Variants in NYAP2 observed in about 807,000 individuals in gnomAD.
NYAP2 encodes the protein neuronal tyrosine-phosphorylated phosphoinositide-3-kinase adaptor 2.
Under a neutral mutation model 50.4 loss-of-function variants are expected in NYAP2, and 23 were observed. The observed-to-expected ratio is 0.46, with a 90% CI of 0.33 to 0.65. The LOEUF is 0.65. Ranked by LOEUF, NYAP2 falls within the 30% of genes least tolerant of loss-of-function variation. The pLI is 0.02. For missense variants in NYAP2, 885 were observed against 861.0 expected (o/e 1.03, Z -0.35); for synonymous variants, 394 against 365.2 (o/e 1.08, Z -0.90).
In NYAP2 at chr2:225,582,122, G is replaced by T; in HGVS notation, c.705G>T (p.Ala235=). 6.2e-7 allele frequency: 1 copy of T among 1,613,960 alleles called. No homozygotes were observed. The highest frequency in any genetic ancestry group is 2.2e-5 in the East Asian group (1 of 44,872). ...CCTTGTCCCAGATGGGCAGCCCCGC[G>T]GGAGACCCCGAGGAAGAGGAGCCCG... Residue 235 remains alanine, a synonymous_variant, in exon 5 of 7, where the codon GCG becomes GCT. Coordinates refer to ENST00000636099, the Ensembl canonical transcript of NYAP2. The surrounding 1 kb of genome is among the most constrained non-coding windows in gnomAD (Gnocchi z 7.0).
intron 6 of NYAP2, among the ~76,000 whole-genome samples, chr2:225,630,669 G>A (rs1693291395): frequency 6.6e-6 from 1 of 152,206 alleles, no homozygotes; most frequent in South Asian, 2.1e-4. Flanking sequence ...GATGGTGTCT[G>A]CCATGTAATT....
At chr2:225,410,360 G>C (rs1332238665) in intron 3 of NYAP2, among the ~76,000 whole-genome samples, 1 of 151,834 alleles carries the variant, frequency 6.6e-6, no homozygotes, top group Non-Finnish European at 1.5e-5. Context: ...ATGTTATTTT[G>C]ATTTCTAACC....
chr2:225,647,010 G>A (rs2106269860), intron 6 of NYAP2, among the ~76,000 whole-genome samples: 1 of 152,212 alleles, frequency 6.6e-6, no homozygotes, highest in East Asian at 1.9e-4. Context: ...AATAAAAGGG[G>A]AAATTAATCT....
At chr2:225,663,012 A>G in the NYAP2 span, among the ~76,000 whole-genome samples, 1 of 152,212 alleles carries the variant, frequency 6.6e-6, no homozygotes, top group Admixed American at 6.5e-5. Flanking sequence ...CACACTTTAG[A>G]CCAGAAGTGT....
chr2:225,426,396 G>A (rs1385905018), intron 3 of NYAP2, among the ~76,000 whole-genome samples: 1 of 152,134 alleles, frequency 6.6e-6, no homozygotes, highest in Admixed American at 6.6e-5. Context: ...TCCACGGTAA[G>A]TGCTAAGTCA....
At chr2:225,547,020 G>C (rs1691596692) in intron 4 of NYAP2, among the ~76,000 whole-genome samples, 1 of 152,260 alleles carries the variant, frequency 6.6e-6, no homozygotes, top group Admixed American at 6.5e-5. Context: ...TCACAACTTT[G>C]CCTGGTGCCC....
At chr2:225,557,100 AT>A (rs2106213388) in intron 4 of NYAP2, among the ~76,000 whole-genome samples, 1 of 152,306 alleles carries the variant, frequency 6.6e-6, no homozygotes, top group East Asian at 1.9e-4. Flanking sequence ...CTCTGCTCTA[AT>A]TTCATTGGTC....
chr2:225,433,816 CAAAAA>C (rs35886164), intron 3 of NYAP2, among the ~76,000 whole-genome samples: 6 of 62,482 alleles, frequency 9.6e-5, no homozygotes, highest in South Asian at 1.7e-3. Flanking sequence ...GACTCCGTCT[CAAAAA>C]AAAAAAAAAA....
chr2:225,520,912 A>G (rs1245527422), intron 4 of NYAP2, among the ~76,000 whole-genome samples: 2 of 152,030 alleles, frequency 1.3e-5, no homozygotes, highest in Admixed American at 6.6e-5. Context: ...TGAGCATGGA[A>G]TGTTCTTCCA....
chr2:225,593,674 C>G (rs1266209282), intron 5 of NYAP2, among the ~76,000 whole-genome samples: 1 of 152,160 alleles, frequency 6.6e-6, no homozygotes. Context: ...AAGCTACAAA[C>G]CTTTTCATCA....
chr2:225,481,075 T>C (rs893001847), intron 3 of NYAP2, among the ~76,000 whole-genome samples: 1 of 152,132 alleles, frequency 6.6e-6, no homozygotes, highest in Non-Finnish European at 1.5e-5. Context: ...ATGTGTTCCA[T>C]GAAATCAAAG....
At chr2:225,453,376 A>T (rs1293766107) in intron 3 of NYAP2, among the ~76,000 whole-genome samples, 2 of 152,174 alleles carry the variant, frequency 1.3e-5, no homozygotes, top group East Asian at 3.8e-4. Flanking sequence ...GATCTAATTC[A>T]AGGGGATTGG....
At chr2:225,534,888 T>C (rs1447925154) in intron 4 of NYAP2, among the ~76,000 whole-genome samples, 1 of 152,200 alleles carries the variant, frequency 6.6e-6, no homozygotes, top group East Asian at 1.9e-4. Context: ...CAGACCTTGT[T>C]GGGAGTGCGC....
At chr2:225,457,037 A>C (rs1468779686) in intron 3 of NYAP2, among the ~76,000 whole-genome samples, 1 of 152,242 alleles carries the variant, frequency 6.6e-6, no homozygotes, top group Non-Finnish European at 1.5e-5. Context: ...GCTGGAACTT[A>C]AAATGGCGGT....
chr2:225,656,730 G>A (rs1303113007), downstream of NYAP2, among the ~76,000 whole-genome samples: 1 of 152,130 alleles, frequency 6.6e-6, no homozygotes, highest in Non-Finnish European at 1.5e-5. Context: ...CAGTACATGT[G>A]AAGACCAGGG....
chr2:225,618,331 C>T (rs1693025099), intron 5 of NYAP2, among the ~76,000 whole-genome samples: 1 of 152,208 alleles, frequency 6.6e-6, no homozygotes, highest in Non-Finnish European at 1.5e-5. Flanking sequence ...GTCCTCATGT[C>T]ACCTAGTAGT....
chr2:225,643,363 G>C (rs1373755977), intron 6 of NYAP2, among the ~76,000 whole-genome samples: 2 of 151,908 alleles, frequency 1.3e-5, no homozygotes, highest in Non-Finnish European at 2.9e-5. Context: ...ATGTTTTATT[G>C]TTTTAAAATA....
intron 3 of NYAP2, among the ~76,000 whole-genome samples, chr2:225,490,547 C>T (rs1396287760): frequency 1.3e-5 from 2 of 152,122 alleles, no homozygotes; most frequent in Non-Finnish European, 1.5e-5. Context: ...TTATAAGTAG[C>T]AGCTACTGTT....
intron 3 of NYAP2, among the ~76,000 whole-genome samples, chr2:225,456,228 C>A (rs1336886789): frequency 2.0e-5 from 3 of 152,180 alleles, no homozygotes; most frequent in Non-Finnish European, 4.4e-5. Context: ...ATTTGAGTCA[C>A]CCTTGCCCAG....
Sources: allele counts gnomAD v4.1 joint callset (sites outside exome capture counted in the v4.1 genomes callset), GRCh38; gene constraint gnomAD v4.1.1; non-coding constraint Gnocchi (gnomAD v3.1); transcripts MANE v1.5; gene names NCBI Gene and HGNC (gene_info 2026-07-23, HGNC 2026-07-21).